The following DLG2 variants were observed in gnomAD, a reference collection of about 807,000 sequenced individuals.
The protein encoded by DLG2 is discs large MAGUK scaffold protein 2, also known as disks large homolog 2.
In DLG2, 45 loss-of-function variants were observed where a neutral mutation model predicts 132.5. The observed-to-expected ratio is 0.34, with a 90% CI of 0.27 to 0.44. DLG2 has a LOEUF of 0.44. Among genes scored for constraint, DLG2 ranks in the 20% least tolerant of loss-of-function variants. DLG2 has a pLI of 1.00. For missense variants in DLG2, 1,045 were observed against 1,196.9 expected (o/e 0.87, Z 1.87); for synonymous variants, 424 against 419.6 (o/e 1.01, Z -0.13).
At chr11:83,622,936 T>A (rs1279813633) in intron 19 of DLG2, among the ~76,000 whole-genome samples, 1 of 152,140 alleles carries the variant, frequency 6.6e-6, no homozygotes, top group East Asian at 1.9e-4. Flanking sequence ...CACATTGAAG[T>A]CAAGAATTAA....
rs991324617 is a variant in DLG2 at position 85,014,000 on chromosome 11, T to C, written c.357+97661A>G. Among the ~76,000 whole-genome samples the C allele has an allele frequency of 3.0e-4, 45 of 152,204 alleles. 2 individuals are homozygous for C. Among genetic ancestry groups the C allele is most frequent in the Non-Finnish European group, 1.0e-4 (7 of 68,028 alleles). ...GTCATGTTAGCACTTTATTACTAAATTAATTTGTATATCAAAATCTGGATT... is the reference window on the plus strand; with the variant it reads ...GTCATGTTAGCACTTTATTACTAAACTAATTTGTATATCAAAATCTGGATT... On this transcript the variant is annotated intron_variant, in intron 6 of 27. Transcript: ENST00000376104.
At chr11:84,899,421 T>C (rs574926290) in intron 6 of DLG2, among the ~76,000 whole-genome samples, 13 of 152,104 alleles carry the variant, frequency 8.5e-5, no homozygotes, top group Non-Finnish European at 1.3e-4. Context: ...GACAAAGAAC[T>C]AAAAATGTTG....
chr11:83,852,692 G>T (rs1375183495), intron 16 of DLG2, among the ~76,000 whole-genome samples: 8 of 152,174 alleles, frequency 5.3e-5, no homozygotes, highest in Non-Finnish European at 8.8e-5. Flanking sequence ...GTGTTGTCCT[G>T]TATAAATGTC....
chr11:83,572,971 G>A (rs1298760999), intron 19 of DLG2, among the ~76,000 whole-genome samples: 1 of 152,008 alleles, frequency 6.6e-6, no homozygotes, highest in African/African-American at 2.4e-5. Flanking sequence ...AAGGCTTTCT[G>A]GTTAATTGGA....
At chr11:84,820,916 T>G (rs1346987039) in intron 6 of DLG2, among the ~76,000 whole-genome samples, 1 of 151,850 alleles carries the variant, frequency 6.6e-6, no homozygotes, top group Non-Finnish European at 1.5e-5. Flanking sequence ...CTCATTCTAC[T>G]TTGTGTTACC....
At chr11:83,614,958 A>G (rs1476862005) in intron 19 of DLG2, among the ~76,000 whole-genome samples, 2 of 152,190 alleles carry the variant, frequency 1.3e-5, no homozygotes, top group African/African-American at 4.8e-5. Flanking sequence ...AGCAAGTGGT[A>G]TTCTGGATGG....
intron 3 of DLG2, among the ~76,000 whole-genome samples, chr11:85,508,166 C>T (rs917072674): frequency 6.6e-6 from 1 of 152,112 alleles, no homozygotes; most frequent in African/African-American, 2.4e-5. Context: ...TCCTTTAGCT[C>T]GGAGAAGTTT....
intron 4 of DLG2, among the ~76,000 whole-genome samples, chr11:85,179,679 A>G (rs902306414): frequency 5.3e-5 from 8 of 151,870 alleles, no homozygotes; most frequent in Admixed American, 5.3e-4. Flanking sequence ...AGGAGAAAGG[A>G]AAAGGATGGT....
rs1291143175 is a variant in DLG2, at chr11:84,670,166, TC to T, written c.358-135436del. Among the ~76,000 whole-genome samples the T allele has an allele frequency of 7.9e-5, 12 of 152,192 alleles. No individual in the cohort carries two copies. The East Asian group carries it at 2.1e-3, about 27-fold the overall frequency. On this transcript the variant is annotated intron_variant, in intron 6 of 27. Transcript: ENST00000376104. The stretch of plus-strand genomic sequence containing the variant: ...ACATGGCTCAGGTCAATTCCAACCT[TC>T]CTCTTGATCGCATTTACACCATTCT...
At chr11:84,223,989 A>C (rs917581921) in intron 8 of DLG2, among the ~76,000 whole-genome samples, 21 of 152,166 alleles carry the variant, frequency 1.4e-4, no homozygotes, top group Non-Finnish European at 1.5e-5. Context: ...CTTTCCACTC[A>C]AGGGTGAGGG....
chr11:84,950,594 C>T (rs1049042173), intron 6 of DLG2, among the ~76,000 whole-genome samples: 7 of 152,124 alleles, frequency 4.6e-5, no homozygotes, highest in African/African-American at 1.7e-4. Context: ...TTGTTCCAGA[C>T]ACTATAGTAG....
intron 22 of DLG2, among the ~76,000 whole-genome samples, chr11:83,476,486 A>G (rs2092625729): frequency 2.0e-5 from 3 of 152,190 alleles, no homozygotes. Context: ...TGAGTCTCAA[A>G]GACTTTAAGT....
At chr11:85,374,812 A>C (rs537189626) in intron 3 of DLG2, among the ~76,000 whole-genome samples, 48 of 152,302 alleles carry the variant, frequency 3.2e-4, no homozygotes, top group South Asian at 8.3e-4. Flanking sequence ...CAAAAACAAT[A>C]ATCATATATA....
At chr11:84,587,627 A>G (rs756132970) in intron 6 of DLG2, among the ~76,000 whole-genome samples, 3 of 152,124 alleles carry the variant, frequency 2.0e-5, no homozygotes, top group Non-Finnish European at 2.9e-5. Flanking sequence ...AAAAGTCCCC[A>G]GTGCATCTGA....
chr11:85,090,024 A>G (rs1344623814), intron 6 of DLG2, among the ~76,000 whole-genome samples: 1 of 152,090 alleles, frequency 6.6e-6, no homozygotes, highest in Non-Finnish European at 1.5e-5. Flanking sequence ...AGTAACCCCT[A>G]TTTTGGGCAT....
intron 6 of DLG2, among the ~76,000 whole-genome samples, chr11:84,674,954 G>A (rs926011146): frequency 6.6e-6 from 1 of 152,034 alleles, no homozygotes; most frequent in Non-Finnish European, 1.5e-5. Context: ...TCCTGTCACC[G>A]ACTTTGTATT....
chr11:84,992,128 T>C (rs1409356558), intron 6 of DLG2, among the ~76,000 whole-genome samples: 1 of 152,206 alleles, frequency 6.6e-6, no homozygotes, highest in Non-Finnish European at 1.5e-5. Flanking sequence ...CTTCATGTAG[T>C]TAAGTTCTCA....
intron 4 of DLG2, among the ~76,000 whole-genome samples, chr11:85,173,169 G>A (rs368278512): frequency 2.0e-5 from 3 of 152,180 alleles, no homozygotes; most frequent in South Asian, 2.1e-4. Context: ...ATGCATAATC[G>A]TCAGATTCTC....
chr11:85,011,879 T>C (rs1282665575), intron 6 of DLG2, among the ~76,000 whole-genome samples: 1 of 152,186 alleles, frequency 6.6e-6, no homozygotes, highest in Non-Finnish European at 1.5e-5. Context: ...GTATTACCAA[T>C]AGTATAATTT....
Sources: gnomAD v4.1 joint callset for allele counts (sites outside exome capture counted in the v4.1 genomes callset) on GRCh38, gnomAD v4.1.1 for gene constraint, MANE v1.5 for transcripts, NCBI Gene and HGNC (gene_info 2026-07-23, HGNC 2026-07-21) for gene names.